CELSR1: variants seen among roughly 807,000 people sequenced by gnomAD.
The protein encoded by CELSR1 is cadherin EGF LAG seven-pass G-type receptor 1, also known as adhesion G protein-coupled receptor C1.
In CELSR1, 110 loss-of-function variants were observed where a neutral mutation model predicts 249.1. The observed-to-expected ratio is 0.44, with a 90% CI of 0.38 to 0.52. The LOEUF is 0.52. CELSR1 is among the 20% of genes least tolerant of loss of function. The pLI is 0.00. For missense variants in CELSR1, 4,109 were observed against 4,296.4 expected, an observed-to-expected ratio of 0.96 and a Z score of 1.22; for synonymous variants, 2,113 against 1,900.0, an observed-to-expected ratio of 1.11 and a Z score of -2.92.
rs1001524080 is a variant in CELSR1 at position 46,402,774 on chromosome 22, G to A, written c.5227-2872C>T. Among the ~76,000 whole-genome samples, 4 of 152,034 alleles carry A rather than the reference G, an allele frequency of 2.6e-5. No homozygotes were observed. Among genetic ancestry groups the A allele is most frequent in the South Asian group, 2.1e-4 (1 of 4,824 alleles). The stretch of plus-strand genomic sequence containing the variant: ...GTGTTACAGAGATAAGGGTCAAACG[G>A]CCATGTTTAAGTACATGTAAGAAGA... On this transcript the variant is annotated intron_variant, in intron 9 of 34. Coordinates refer to ENST00000674500, the MANE Select transcript of CELSR1 (RefSeq NM_001378328.1). This position sits in a 1 kb window ranked among gnomAD's most constrained non-coding sequence, Gnocchi z 5.0.
In CELSR1 at chr22:46,366,500, T is replaced by C. The variant is rs1389718295; in HGVS notation, c.8206-20A>G. On this transcript the variant is annotated intron_variant, in intron 29 of 34. Transcript: ENST00000674500. Reference sequence around the variant, plus strand: ...GGAGCGCTGAAGGGAGGGGAGGGGCTGGTCACTGCCAAGTGGTGGCCACCA... The same window carrying C: ...GGAGCGCTGAAGGGAGGGGAGGGGCCGGTCACTGCCAAGTGGTGGCCACCA... The C allele has an allele frequency of 1.3e-6, 2 of 1,538,150 alleles. No individual in the cohort carries two copies. The highest frequency in any genetic ancestry group is 1.8e-6 in the Non-Finnish European group (2 of 1,135,918).
chr22:46,460,103 G>A (rs925441974), intron 2 of CELSR1, among the ~76,000 whole-genome samples: 3 of 152,062 alleles, frequency 2.0e-5, no homozygotes, highest in Non-Finnish European at 4.4e-5. Flanking sequence ...AGCTACCCAG[G>A]AGGCAGAGGT....
Position 46,411,879 on chromosome 22 carries a change from G to T in CELSR1, c.4612-120C>A, listed in dbSNP as rs1188114067. The T allele has an allele frequency of 7.8e-7, 1 of 1,283,460 alleles. No individual in the cohort carries two copies. Among genetic ancestry groups the T allele is most frequent in the Non-Finnish European group, 1.1e-6 (1 of 911,334 alleles). The allele number at this position is 1,283,460 out of a possible 1,614,324, so 79.5% of individuals were successfully genotyped here. A position where few individuals can be genotyped will look rare whatever the true frequency, so the allele number is the denominator to read the frequency against. On this transcript the variant is annotated intron_variant, in intron 5 of 34. Coordinates refer to ENST00000674500, the MANE Select transcript of CELSR1 (RefSeq NM_001378328.1). This position sits in a 1 kb window ranked among gnomAD's most constrained non-coding sequence, Gnocchi z 4.2. ...ACAGGGTGGGCGGCACGTAGACAAG[G>T]GATGAGGAGCCCCCGGCCTTTAGTT...
Position 46,536,644 on chromosome 22 carries a change from C to T in CELSR1, c.527G>A (p.Gly176Asp), listed in dbSNP as rs1296839880. 59 of 1,167,410 alleles carry T rather than the reference C, an allele frequency of 5.1e-5. No homozygotes were observed. Among genetic ancestry groups the T allele is most frequent in the Non-Finnish European group, 5.8e-5 (55 of 948,504 alleles). 72.3% of individuals were successfully genotyped at this position (1,167,410 alleles called of 1,614,324 possible). The change falls in exon 1 of 35, where the codon GGC becomes GAC. Residue 176 changes from glycine to aspartate, a missense_variant. Physicochemically the swap from Gly to Asp is moderately conservative, Grantham distance 94 (BLOSUM62 -1). This residue lies in a region of CELSR1 where 673 missense variants were observed against 636.8 expected (regional missense o/e 1.06). Coordinates refer to ENST00000674500, the MANE Select transcript of CELSR1 (RefSeq NM_001378328.1). ...CAGCAGACGCAGGCGGACCGAGCCGCCCGGCGGCAGGCAGATGGGACGGCC... is the reference window on the plus strand; with the variant it reads ...CAGCAGACGCAGGCGGACCGAGCCGTCCGGCGGCAGGCAGATGGGACGGCC... The part of the protein sequence containing the change: ...CPGRPICLPP[G>D]GSVRLRLLCA...
In CELSR1 at chr22:46,446,080, A is replaced by G. The variant is rs1416653724; in HGVS notation, c.4184-6669T>C. Reference sequence around the variant, plus strand: ...TGGCTAGACTCCCACTGCTCCATAAAGACCCCAGCCTAAGGGGTCCCAGGG... The same window carrying G: ...TGGCTAGACTCCCACTGCTCCATAAGGACCCCAGCCTAAGGGGTCCCAGGG... On this transcript the variant is annotated intron_variant, in intron 2 of 34. Transcript: ENST00000674500. The surrounding 1 kb of genome is among the most constrained non-coding windows in gnomAD (Gnocchi z 5.5). Among the ~76,000 whole-genome samples, 1 of 152,116 alleles carries G rather than the reference A, an allele frequency of 6.6e-6. No homozygotes were observed. Among genetic ancestry groups the G allele is most frequent in the East Asian group, 1.9e-4 (1 of 5,188 alleles).
chr22:46,495,460 G>C (rs757468480), intron 1 of CELSR1, among the ~76,000 whole-genome samples: 1 of 152,210 alleles, frequency 6.6e-6, no homozygotes, highest in African/African-American at 2.4e-5. Flanking sequence ...AGTGGTGAGT[G>C]AATGTGAAGG....
intron 2 of CELSR1, among the ~76,000 whole-genome samples, chr22:46,459,106 T>A (rs995882808): frequency 1.3e-5 from 2 of 152,162 alleles, no homozygotes; most frequent in East Asian, 3.9e-4. Flanking sequence ...GCCAGGATGG[T>A]CTCAATCTCC....
At chr22:46,453,198 C>G (rs2079906697) in intron 2 of CELSR1, among the ~76,000 whole-genome samples, 1 of 152,180 alleles carries the variant, frequency 6.6e-6, no homozygotes, top group South Asian at 2.1e-4. Flanking sequence ...CTGTGCACAG[C>G]AGGGCTGGAA....
rs565456561 is a variant in CELSR1, at chr22:46,408,629, C to T, written c.5226+367G>A. Among the ~76,000 whole-genome samples the T allele has an allele frequency of 2.6e-5, 4 of 152,350 alleles. No homozygotes were observed. In the East Asian group the frequency reaches 5.8e-4, roughly 22 times the overall value. Reference sequence around the variant, plus strand: ...GGATTACAGGCATGAGCCACCACCCCGGCCTGCACCTGGCTGCAGCTTTAA... The same window carrying T: ...GGATTACAGGCATGAGCCACCACCCTGGCCTGCACCTGGCTGCAGCTTTAA... On this transcript the variant is annotated intron_variant, in intron 9 of 34. Transcript: ENST00000674500. The surrounding 1 kb of genome is among the most constrained non-coding windows in gnomAD (Gnocchi z 4.6).
At chr22:46,431,059 G>A (rs1316519621) in intron 5 of CELSR1, among the ~76,000 whole-genome samples, 2 of 152,212 alleles carry the variant, frequency 1.3e-5, no homozygotes, top group African/African-American at 2.4e-5. Context: ...AATCCCACAC[G>A]GGAGGCTGTG....
chr22:46,520,189 T>C (rs2080671321), intron 1 of CELSR1, among the ~76,000 whole-genome samples: 1 of 152,000 alleles, frequency 6.6e-6, no homozygotes, highest in African/African-American at 2.4e-5. Flanking sequence ...TTGCCATTTG[T>C]GATCTCAAGA....
Position 46,390,401 on chromosome 22 carries a change from G to A in CELSR1, c.6336C>T (p.Leu2112=). The A allele has an allele frequency of 6.2e-7, 1 of 1,613,074 alleles. No individual in the cohort carries two copies. The highest frequency in any genetic ancestry group is 1.7e-4 in the Middle Eastern group (1 of 6,054). The part of the protein sequence containing the change: ...FNCTTISFVD[L]RAMNEKLSRN... ...CCCGAGGCGCCCCTACCATGGCCCT[G>A]AGGTCCACGAAGGAGATGGTGGTAC... is the stretch of plus-strand genomic sequence containing the variant. The change falls in exon 17 of 35, where the codon CTC becomes CTT. Residue 2112 remains leucine (L), a synonymous_variant. Coordinates refer to ENST00000674500, the MANE Select transcript of CELSR1 (RefSeq NM_001378328.1). The surrounding 1 kb of genome is among the most constrained non-coding windows in gnomAD (Gnocchi z 6.3).
At chr22:46,432,771 T>C (rs756581877) in intron 5 of CELSR1, among the ~76,000 whole-genome samples, 2 of 152,060 alleles carry the variant, frequency 1.3e-5, no homozygotes, top group Non-Finnish European at 2.9e-5. Flanking sequence ...CAGCCACTAG[T>C]AGACTCTGGC....
rs112774357 is a variant in CELSR1, at chr22:46,367,644, G to A, written c.8079+85C>T. The A allele has an allele frequency of 2.1e-3, 3,223 of 1,514,712 alleles. 51 individuals carry two copies. The African/African-American group carries it at 0.035, about 16-fold the overall frequency. The allele number at this position is 1,514,712 out of a possible 1,614,324, so 93.8% of individuals were successfully genotyped here. On this transcript the variant is annotated intron_variant, in intron 28 of 34. Transcript: ENST00000674500. Reference sequence around the variant, plus strand: ...ACCCAGGCAGGGCTGGTTTGGGACCGCAGAGGCCTCCACTGCTTCGCATCA... The same window carrying A: ...ACCCAGGCAGGGCTGGTTTGGGACCACAGAGGCCTCCACTGCTTCGCATCA...
rs1004705438 is a variant in CELSR1, at chr22:46,410,012, C to T, written c.4934-132G>A. On this transcript the variant is annotated intron_variant, in intron 7 of 34. Coordinates refer to ENST00000674500, the MANE Select transcript of CELSR1 (RefSeq NM_001378328.1). The surrounding 1 kb of genome is among the most constrained non-coding windows in gnomAD (Gnocchi z 6.8). ...CAGAAGTCAGACCAGGTCTGAACGCCCCTGGCAACGGCAGGAACATGGGAA... is the reference window on the plus strand; with the variant it reads ...CAGAAGTCAGACCAGGTCTGAACGCTCCTGGCAACGGCAGGAACATGGGAA... 8.6e-7 allele frequency: 1 copy of T among 1,158,888 alleles called. No homozygotes were observed. The highest frequency in any genetic ancestry group is 1.5e-5 in the African/African-American group (1 of 65,066). 71.8% of individuals were successfully genotyped at this position (1,158,888 alleles called of 1,614,324 possible).
intron 1 of CELSR1, among the ~76,000 whole-genome samples, chr22:46,533,285 C>T (rs975572623): frequency 1.3e-5 from 2 of 152,206 alleles, no homozygotes; most frequent in African/African-American, 4.8e-5. Context: ...CATCTCCAAG[C>T]AAATCCTGTG....
chr22:46,475,215 G>A (rs713711), intron 1 of CELSR1, among the ~76,000 whole-genome samples: 40,362 of 151,848 alleles, frequency 0.27, 5,486 homozygotes, highest in Admixed American at 0.36. Context: ...CATTAGATGA[G>A]TCAGGATAAA....
At position 46,410,706 on chromosome 22, in the gene CELSR1, G is replaced by A. The variant is rs1383518885; in HGVS notation, c.4770-145C>T. ...GACAGGCGGGGAGAGGCCAAAGTCA[G>A]AGGGGGCTCCTGTGTCTGGTGCCGC... On this transcript the variant is annotated intron_variant, in intron 6 of 34. Transcript: ENST00000674500. The surrounding 1 kb of genome is among the most constrained non-coding windows in gnomAD (Gnocchi z 6.8). 2.6e-6 allele frequency: 2 copies of A among 757,242 alleles called. No individual in the cohort carries two copies. Among genetic ancestry groups the A allele is most frequent in the Non-Finnish European group, 4.2e-6 (2 of 474,218 alleles). 46.9% of individuals were successfully genotyped at this position (757,242 alleles called of 1,614,324 possible). A position where few individuals can be genotyped will look rare whatever the true frequency, so the allele number is the denominator to read the frequency against.
intron 5 of CELSR1, among the ~76,000 whole-genome samples, chr22:46,431,294 G>A (rs1439287910): frequency 6.6e-6 from 1 of 152,246 alleles, no homozygotes; most frequent in South Asian, 2.1e-4. Context: ...TGTGGACAGA[G>A]GTGGCCACAG....
Sources: gnomAD v4.1 joint callset for allele counts (sites outside exome capture counted in the v4.1 genomes callset) on GRCh38, gnomAD v4.1.1 for gene constraint, gnomAD v4.1.1 regional missense constraint, Gnocchi (gnomAD v3.1) non-coding constraint, MANE v1.5 for transcripts, NCBI Gene and HGNC (gene_info 2026-07-23, HGNC 2026-07-21) for gene names.